The following MAP3K5 variants were observed in gnomAD, a reference collection of about 807,000 sequenced individuals.
MAP3K5 encodes the protein mitogen-activated protein kinase kinase kinase 5, also known as ASK-1.
Under a neutral mutation model 158.7 loss-of-function variants are expected in MAP3K5, and 56 were observed. That is an observed-to-expected ratio of 0.35 (90% CI 0.28 to 0.44). MAP3K5 has a LOEUF of 0.44. Ranked by LOEUF, MAP3K5 falls within the 20% of genes least tolerant of loss-of-function variation. The pLI, the probability that MAP3K5 is intolerant of heterozygous loss-of-function variation, is 1.00. For missense variants in MAP3K5, 1,294 were observed against 1,674.8 expected, an observed-to-expected ratio of 0.77 and a Z score of 3.97; for synonymous variants, 579 against 601.7, an observed-to-expected ratio of 0.96 and a Z score of 0.55.
rs553854660 is a variant in MAP3K5, at chr6:136,676,059, A to T, written c.1254-6664T>A. On this transcript the variant is annotated intron_variant, in intron 7 of 29. Transcript: ENST00000359015. Reference sequence around the variant, plus strand: ...AGCATGACACAAGGAAAAAATGGAGACTCTGAATTGCTCCATATCTGTTAA... The same window carrying T: ...AGCATGACACAAGGAAAAAATGGAGTCTCTGAATTGCTCCATATCTGTTAA... 4.1e-4 allele frequency among the ~76,000 whole-genome samples: 63 copies of T among 152,266 alleles called. 3 individuals are homozygous for T. In the South Asian group the frequency reaches 0.012, roughly 30 times the overall value.
At chr6:136,744,851 T>C (rs1411008536) in intron 1 of MAP3K5, among the ~76,000 whole-genome samples, 2 of 152,222 alleles carry the variant, frequency 1.3e-5, no homozygotes, top group Admixed American at 6.5e-5. Flanking sequence ...ATCAGGATTT[T>C]TGGAATCAGG....
At chr6:136,770,899 GA>G (rs1784171635) in intron 1 of MAP3K5, among the ~76,000 whole-genome samples, 1 of 151,994 alleles carries the variant, frequency 6.6e-6, no homozygotes, top group Admixed American at 6.6e-5. Flanking sequence ...TAAAACTGAG[GA>G]AAAATATAAT....
chr6:136,657,064 T>TTC, intron 9 of MAP3K5, among the ~76,000 whole-genome samples: 2 of 152,342 alleles, frequency 1.3e-5, no homozygotes, highest in East Asian at 3.9e-4. Flanking sequence ...AACTTGAACT[T>TTC]TAAAATGTGT....
chr6:136,698,985 T>G (rs1265363128), intron 3 of MAP3K5, among the ~76,000 whole-genome samples: 2 of 152,180 alleles, frequency 1.3e-5, no homozygotes, highest in Non-Finnish European at 2.9e-5. Flanking sequence ...AAAAGTAGTT[T>G]AAAGCATGGC....
Position 136,632,699 on chromosome 6 carries a change from C to T in MAP3K5, c.2016+4626G>A, listed in dbSNP as rs191830299. On this transcript the variant is annotated intron_variant, in intron 14 of 29. Coordinates refer to ENST00000359015, the MANE Select transcript of MAP3K5 (RefSeq NM_005923.4). ...GAAATGAAGGGGCTGCAGGAAAGAA[C>T]GGGCATGAGGGATTAAGACGGGTTT... Among the ~76,000 whole-genome samples, 587 of 152,066 alleles carry T rather than the reference C, an allele frequency of 3.9e-3. 2 individuals carry two copies. Among genetic ancestry groups the T allele is most frequent in the African/African-American group, 0.014 (564 of 41,494 alleles).
At chr6:136,656,224 AGCCC>A (rs1311845600) in intron 10 of MAP3K5, 79 bp downstream of exon 10, 4 of 1,248,158 alleles carry the variant, frequency 3.2e-6, no homozygotes, top group Non-Finnish European at 3.5e-6. Flanking sequence ...ACCAAAAATC[AGCCC>A]CCAAGCACTG....
At chr6:136,706,935 A>T (rs933063009) in intron 2 of MAP3K5, among the ~76,000 whole-genome samples, 1 of 152,188 alleles carries the variant, frequency 6.6e-6, no homozygotes. Context: ...ATCACTTGAG[A>T]CTAGGAGTTT....
chr6:136,721,235 A>AC (rs1029734114), intron 1 of MAP3K5, among the ~76,000 whole-genome samples: 11 of 152,106 alleles, frequency 7.2e-5, no homozygotes, highest in African/African-American at 2.4e-4. Flanking sequence ...AAAAAAAAAA[A>AC]AACAGATTCA....
At chr6:136,658,611 C>T (rs1376814683) in intron 9 of MAP3K5, among the ~76,000 whole-genome samples, 4 of 152,070 alleles carry the variant, frequency 2.6e-5, no homozygotes, top group Non-Finnish European at 5.9e-5. Flanking sequence ...ACCGTGCGCC[C>T]GGCCAACACT....
chr6:136,668,405 T>C (rs1168045439), intron 8 of MAP3K5, among the ~76,000 whole-genome samples: 1 of 152,180 alleles, frequency 6.6e-6, no homozygotes, highest in African/African-American at 2.4e-5. Context: ...TTCTTTTATT[T>C]TGAAGAAAAA....
intron 2 of MAP3K5, among the ~76,000 whole-genome samples, chr6:136,715,960 G>A (rs961816559): frequency 7.0e-6 from 1 of 142,904 alleles, no homozygotes; most frequent in Non-Finnish European, 1.5e-5. Context: ...AACCCAGGAG[G>A]TGGAGGTTGC....
At chr6:136,750,696 C>T (rs1013068261) in intron 1 of MAP3K5, among the ~76,000 whole-genome samples, 4 of 152,286 alleles carry the variant, frequency 2.6e-5, no homozygotes, top group East Asian at 1.9e-4. Flanking sequence ...ATTTATCTTT[C>T]GTTTCAATTG....
Position 136,726,798 on chromosome 6 carries a change from T to C in MAP3K5, c.449-6209A>G, listed in dbSNP as rs1431040946. On this transcript the variant is annotated intron_variant, in intron 1 of 29. Coordinates refer to ENST00000359015, the MANE Select transcript of MAP3K5 (RefSeq NM_005923.4). ...TCATTGCTAGCATATAAAAATACAA[T>C]AATTTTTGTAGATTGATCTTGTATC... Among the ~76,000 whole-genome samples the C allele has an allele frequency of 9.2e-5, 14 of 152,306 alleles. No individual in the cohort carries two copies. The East Asian group carries it at 2.7e-3, about 29-fold the overall frequency.
intron 23 of MAP3K5, 89 bp from the exon 24 acceptor site, chr6:136,583,829 T>C (rs1774996680): frequency 5.1e-6 from 6 of 1,180,490 alleles, no homozygotes; most frequent in Non-Finnish European, 7.2e-6. Context: ...TGCCCCCACA[T>C]TTTTTTTTCT....
rs1326347547 is a variant in MAP3K5 at position 136,592,292 on chromosome 6, C to G, written c.3106G>C (p.Glu1036Gln). Residue 1036 changes from glutamate to glutamine, a missense_variant, in exon 23 of 30, where the codon GAA (glutamate) becomes CAA (glutamine). Glu to Gln is a conservative substitution (Grantham distance 29, BLOSUM62 2). Coordinates refer to ENST00000359015, the MANE Select transcript of MAP3K5 (RefSeq NM_005923.4). ...AGCATGAAGAATCCAGAATCTTTTT[C>G]TTCAGGGGAAGGAGGAGCACTGTGA... ...EDHSAPPSPE[E>Q]KDSGFFMLRK... 1.2e-6 allele frequency: 2 copies of G among 1,608,358 alleles called. No homozygotes were observed. Among genetic ancestry groups the G allele is most frequent in the African/African-American group, 1.3e-5 (1 of 74,578 alleles).
chr6:136,586,645 T>G (rs983349141), intron 23 of MAP3K5, among the ~76,000 whole-genome samples: 34 of 152,218 alleles, frequency 2.2e-4, no homozygotes, highest in African/African-American at 8.2e-4. Context: ...TGGTTAATAC[T>G]GAGTGTCTAC....
intron 7 of MAP3K5, among the ~76,000 whole-genome samples, chr6:136,691,924 T>C (rs771965944): frequency 8.5e-5 from 13 of 152,098 alleles, no homozygotes; most frequent in Non-Finnish European, 1.3e-4. Context: ...ATAATTATCA[T>C]TGTTATTTTT....
chr6:136,715,759 G>A (rs1001618750), intron 2 of MAP3K5, among the ~76,000 whole-genome samples: 1 of 152,054 alleles, frequency 6.6e-6, no homozygotes, highest in Non-Finnish European at 1.5e-5. Context: ...GGCTGGGCAT[G>A]GTGGTTCACA....
intron 25 of MAP3K5, 75 bp downstream of exon 25, chr6:136,580,226 T>A: frequency 1.0e-6 from 1 of 990,224 alleles, no homozygotes; most frequent in Non-Finnish European, 1.6e-6. Flanking sequence ...TAAGGTGATA[T>A]CAGAAATAAC....
Sources: allele counts gnomAD v4.1 joint callset (sites outside exome capture counted in the v4.1 genomes callset), GRCh38; gene constraint gnomAD v4.1.1; transcripts MANE v1.5; gene names NCBI Gene and HGNC (gene_info 2026-07-23, HGNC 2026-07-21).